TENM1: variants seen among roughly 807,000 people sequenced by gnomAD.
TENM1 encodes the protein teneurin-1.
Under a neutral mutation model 174.8 loss-of-function variants are expected in TENM1, and 35 were observed. That is an observed-to-expected ratio of 0.20 (90% CI 0.15 to 0.27). The LOEUF (loss-of-function observed/expected upper bound fraction) is 0.27. Ranked by LOEUF, TENM1 falls within the 10% of genes least tolerant of loss-of-function variation. The pLI is 1.00. For missense variants in TENM1, 1,633 were observed against 2,130.1 expected (o/e 0.77, Z 4.59); for synonymous variants, 781 against 798.7 (o/e 0.98, Z 0.37).
intron 11 of TENM1, among the ~76,000 whole-genome samples, chrX:124,606,381 A>G (rs12008354): frequency 0.13 from 14,213 of 110,896 alleles, 852 homozygotes; most frequent in East Asian, 0.41. Context: ...CCCATTGACT[A>G]TTTAAAGATA....
At chrX:124,405,005 A>G (rs765814460) in intron 27 of TENM1, 26 bp downstream of exon 30, 3 of 1,164,989 alleles carry the variant, frequency 2.6e-6, no homozygotes, top group South Asian at 3.6e-5. Context: ...TAAAAGTTCT[A>G]TATCTTGTGT....
chrX:125,047,876 T>C, the TENM1 span, among the ~76,000 whole-genome samples: 129 of 111,193 alleles, frequency 1.2e-3, no homozygotes, highest in East Asian at 9.7e-3. Context: ...ACTAGTTACC[T>C]TTTGACACTC....
At chrX:124,823,774 T>C (rs768894620) in intron 3 of TENM1, among the ~76,000 whole-genome samples, 1 of 111,495 alleles carries the variant, frequency 9.0e-6, no homozygotes, top group African/African-American at 3.2e-5. Flanking sequence ...ATACTAAAGA[T>C]AAAATTCTGT....
intron 3 of TENM1, among the ~76,000 whole-genome samples, chrX:124,811,189 C>G (rs1224655981): frequency 9.0e-6 from 1 of 111,677 alleles, no homozygotes; most frequent in Non-Finnish European, 1.9e-5. Flanking sequence ...TAAAAAGCTT[C>G]TGCATAGCAA....
the TENM1 span, among the ~76,000 whole-genome samples, chrX:125,103,498 A>G: frequency 9.0e-6 from 1 of 111,389 alleles, no homozygotes; most frequent in South Asian, 3.8e-4. Context: ...GTTCTATTTT[A>G]TTAAAATTTT....
chrX:124,988,860 TACA>T, the TENM1 span, among the ~76,000 whole-genome samples: 26 of 111,413 alleles, frequency 2.3e-4, no homozygotes, highest in African/African-American at 8.1e-4. Flanking sequence ...CATTTATGAA[TACA>T]ACAACAACAA....
rs779661588 is a variant in TENM1 at position 124,383,680 on chromosome X, A to C, written c.7251T>G (p.Asn2417Lys). 1.2e-5 allele frequency: 15 copies of C among 1,207,930 alleles called. No individual in the cohort carries two copies. In the East Asian group the frequency reaches 4.4e-4, roughly 36 times the overall value. The stretch of plus-strand genomic sequence containing the variant: ...CTTGAATTTTGCCAACTGGGTAGTT[A>C]TTTTCAAAGGAGTAGAGGTTGAATG... The change falls in exon 30 of 32, where the codon AAT (asparagine) becomes AAG (lysine). Residue 2417 changes from asparagine to lysine, a missense_variant. Asn to Lys is a moderately conservative substitution (Grantham distance 94). This residue lies in a region of TENM1 where 807 missense variants were observed against 1,125.3 expected (regional missense o/e 0.72). Coordinates refer to ENST00000422452, the Ensembl canonical transcript of TENM1.
the TENM1 span, among the ~76,000 whole-genome samples, chrX:125,107,446 C>T: frequency 8.9e-6 from 1 of 112,089 alleles, no homozygotes; most frequent in African/African-American, 3.2e-5. Flanking sequence ...AACATTTATA[C>T]TTTTTGACAT....
In TENM1 at chrX:124,589,092, A is replaced by AG. The variant is rs1412499358; in HGVS notation, c.2078-23533dup. ...TGTTCCTTTGATGCCTAGTTTCTTG[A>AG]GGGTTTTTTTTTTTTTATCATGAAG... On this transcript the variant is annotated intron_variant, in intron 11 of 31. Transcript: ENST00000422452. 2.9e-3 allele frequency among the ~76,000 whole-genome samples: 76 copies of AG among 26,400 alleles called. No individual in the cohort carries two copies. The East Asian group carries it at 0.044, about 15-fold the overall frequency. The allele number at this position is 26,400 out of a possible 115,157, so 22.9% of individuals were successfully genotyped here.
the TENM1 span, among the ~76,000 whole-genome samples, chrX:125,066,192 G>T: frequency 1.8e-5 from 2 of 111,687 alleles, no homozygotes; most frequent in African/African-American, 6.5e-5. Flanking sequence ...GAGCTGAGAG[G>T]AAGCTGGAAA....
chrX:124,986,185 T>C, the TENM1 span, among the ~76,000 whole-genome samples: 4 of 111,729 alleles, frequency 3.6e-5, no homozygotes, highest in African/African-American at 1.3e-4. Context: ...TCAGTAAAAA[T>C]AAAATATTAA....
chrX:125,169,149 T>C, the TENM1 span, among the ~76,000 whole-genome samples: 2 of 111,371 alleles, frequency 1.8e-5, no homozygotes, highest in African/African-American at 6.5e-5. Flanking sequence ...AAATTGTTTC[T>C]ACTTATGATC....
chrX:125,079,685 A>G, the TENM1 span, among the ~76,000 whole-genome samples: 1 of 111,583 alleles, frequency 9.0e-6, no homozygotes, highest in African/African-American at 3.2e-5. Flanking sequence ...AACAGGCTAC[A>G]GTAAACTCCC....
chrX:124,393,381 T>C (rs146939250), intron 27 of TENM1, among the ~76,000 whole-genome samples: 1,248 of 110,806 alleles, frequency 0.011, 10 homozygotes, highest in South Asian at 0.029. Context: ...ACACAATCAC[T>C]TAGAAAATGC....
intron 22 of TENM1, among the ~76,000 whole-genome samples, chrX:124,476,030 T>C (rs1490797300): frequency 9.0e-6 from 1 of 111,719 alleles, no homozygotes; most frequent in Non-Finnish European, 1.9e-5. Flanking sequence ...TTGAGGGCTG[T>C]CCCCAGTGTC....
At chrX:124,716,630 G>A (rs918607386) in intron 4 of TENM1, among the ~76,000 whole-genome samples, 2 of 112,141 alleles carry the variant, frequency 1.8e-5, no homozygotes, top group Admixed American at 1.9e-4. Context: ...TTGGTAGCCG[G>A]TGCCATTTCC....
the TENM1 span, among the ~76,000 whole-genome samples, chrX:125,068,639 G>C: frequency 9.0e-6 from 1 of 111,416 alleles, no homozygotes; most frequent in East Asian, 2.8e-4. Flanking sequence ...TTTCACAGGG[G>C]CACGGGCTAT....
At chrX:125,170,973 C>T in the TENM1 span, among the ~76,000 whole-genome samples, 1 of 111,270 alleles carries the variant, frequency 9.0e-6, no homozygotes, top group Non-Finnish European at 1.9e-5. Context: ...GAGACATAAG[C>T]CATAAGATAT....
intron 3 of TENM1, among the ~76,000 whole-genome samples, chrX:124,791,287 ATTTC>A (rs1430245364): frequency 2.7e-5 from 3 of 111,930 alleles, no homozygotes; most frequent in African/African-American, 9.7e-5. Context: ...TGTGACCATC[ATTTC>A]TTTATCTCTT....
Sources: allele counts gnomAD v4.1 joint callset (sites outside exome capture counted in the v4.1 genomes callset), GRCh38; gene constraint gnomAD v4.1.1; regional missense constraint gnomAD v4.1.1; transcripts MANE v1.5; gene names NCBI Gene and HGNC (gene_info 2026-07-23, HGNC 2026-07-21).